The following FRMD4A variants were observed in gnomAD, a reference collection of about 807,000 sequenced individuals.
The protein encoded by FRMD4A is FERM domain containing 4A.
In FRMD4A, 29 loss-of-function variants were observed where a neutral mutation model predicts 129.1. The observed-to-expected ratio is 0.22, with a 90% CI of 0.17 to 0.31. FRMD4A has a LOEUF of 0.31. FRMD4A is among the 10% of genes least tolerant of loss of function. The pLI is 1.00. For missense variants in FRMD4A, 1,272 were observed against 1,375.8 expected (o/e 0.92, Z 1.19); for synonymous variants, 634 against 571.6 (o/e 1.11, Z -1.56).
chr10:13,835,766 A>G (rs1425975925), intron 3 of FRMD4A, among the ~76,000 whole-genome samples: 1 of 152,172 alleles, frequency 6.6e-6, no homozygotes, highest in East Asian at 1.9e-4. Flanking sequence ...TTATTTCATT[A>G]GATACTACAA....
chr10:13,666,911 C>CTTTTTT (rs10546068), intron 17 of FRMD4A, among the ~76,000 whole-genome samples: 42 of 114,366 alleles, frequency 3.7e-4, no homozygotes, highest in Middle Eastern at 5.6e-3. Context: ...CTTTTCTTTT[C>CTTTTTT]TTTTTTTTTT....
At chr10:13,738,351 C>T (rs72769538) in intron 11 of FRMD4A, among the ~76,000 whole-genome samples, 4,001 of 152,272 alleles carry the variant, frequency 0.026, 74 homozygotes, top group Non-Finnish European at 0.035. Flanking sequence ...GAGAAACTGT[C>T]ATCGATGGTC....
intron 2 of FRMD4A, among the ~76,000 whole-genome samples, chr10:14,081,304 G>C (rs1835913528): frequency 6.6e-6 from 1 of 152,158 alleles, no homozygotes; most frequent in Non-Finnish European, 1.5e-5. Flanking sequence ...ACATTAGACA[G>C]CTGCATTAAA....
chr10:14,075,732 T>A (rs935140235), intron 2 of FRMD4A, among the ~76,000 whole-genome samples: 1 of 111,124 alleles, frequency 9.0e-6, no homozygotes, highest in South Asian at 3.5e-4. Flanking sequence ...ATACATATAG[T>A]GTGTGTGTAT....
intron 2 of FRMD4A, among the ~76,000 whole-genome samples, chr10:14,090,650 G>A (rs1259679188): frequency 1.3e-5 from 2 of 152,190 alleles, no homozygotes; most frequent in African/African-American, 2.4e-5. Flanking sequence ...ACAGCAATGA[G>A]GCCTGGGTAC....
At chr10:13,915,718 G>A (rs1235523899) in intron 2 of FRMD4A, among the ~76,000 whole-genome samples, 3 of 151,990 alleles carry the variant, frequency 2.0e-5, no homozygotes, top group South Asian at 2.1e-4. Context: ...TGCACAAAGG[G>A]CTTTGTGCCA....
chr10:13,851,768 C>T (rs980778333), intron 3 of FRMD4A, among the ~76,000 whole-genome samples: 14 of 151,854 alleles, frequency 9.2e-5, no homozygotes, highest in East Asian at 3.9e-4. Context: ...GGTGTGGTGG[C>T]GCCTGCCTGT....
intron 2 of FRMD4A, among the ~76,000 whole-genome samples, chr10:13,979,586 G>T (rs896182157): frequency 6.6e-6 from 1 of 152,170 alleles, no homozygotes. Flanking sequence ...AGAACACTTT[G>T]TTTTAACCTA....
chr10:13,674,822 AT>A, intron 16 of FRMD4A, 88 bp downstream of exon 16: 1 of 1,383,046 alleles, frequency 7.2e-7, no homozygotes, highest in African/African-American at 1.4e-5. Flanking sequence ...CATCAGTCAA[AT>A]GACATCAAAA....
At chr10:13,839,269 G>A (rs1033570655) in intron 3 of FRMD4A, among the ~76,000 whole-genome samples, 6 of 152,104 alleles carry the variant, frequency 3.9e-5, no homozygotes, top group African/African-American at 1.4e-4. Context: ...GCCTCTCAAA[G>A]TTCTAGAATT....
Position 14,210,711 on chromosome 10 carries a change from G to A in FRMD4A, c.45+119347C>T, listed in dbSNP as rs144876766. Among the ~76,000 whole-genome samples, 233 of 152,106 alleles carry A rather than the reference G, an allele frequency of 1.5e-3. 1 individual carries two copies. The highest frequency in any genetic ancestry group is 5.3e-3 in the African/African-American group (218 of 41,504). ...ATGTGGGCCTTGACTGTGGATTTCCGTCTTTGTTTGTTGTTTGTTTCTTTG... is the reference window on the plus strand; with the variant it reads ...ATGTGGGCCTTGACTGTGGATTTCCATCTTTGTTTGTTGTTTGTTTCTTTG... On this transcript the variant is annotated intron_variant, in intron 2 of 24. Coordinates refer to ENST00000357447, the MANE Select transcript of FRMD4A (RefSeq NM_018027.5).
rs150176775 is a variant in FRMD4A at position 13,945,511 on chromosome 10, T to C, written c.46-86599A>G. Among the ~76,000 whole-genome samples the C allele has an allele frequency of 1.3e-3, 197 of 152,304 alleles. 1 individual carries two copies. The highest frequency in any genetic ancestry group is 4.3e-3 in the African/African-American group (178 of 41,560). ...GATTTTTTTCCTTGCAGTTTTTTTT[T>C]CCATTTTAATGGAACACAGTTCAAG... On this transcript the variant is annotated intron_variant, in intron 2 of 24. Coordinates refer to ENST00000357447, the MANE Select transcript of FRMD4A (RefSeq NM_018027.5).
rs370954575 is a variant in FRMD4A at position 13,798,176 on chromosome 10, G to A, written c.207-1588C>T. Among the ~76,000 whole-genome samples the A allele has an allele frequency of 2.9e-4, 44 of 151,744 alleles. 1 individual carries two copies. The highest frequency in any genetic ancestry group is 9.4e-4 in the African/African-American group (39 of 41,364). On this transcript the variant is annotated intron_variant, in intron 4 of 24. Transcript: ENST00000357447. The stretch of plus-strand genomic sequence containing the variant: ...CTGTAATCCCAGCACTTTGGGAGGC[G>A]AAGGCGAGCGGATCACTTGAGGTCT...
intron 2 of FRMD4A, among the ~76,000 whole-genome samples, chr10:14,163,384 T>C (rs1194244912): frequency 1.3e-5 from 2 of 152,232 alleles, no homozygotes; most frequent in Admixed American, 6.5e-5. Context: ...AGAGTTAATT[T>C]ACCCAATCGC....
At chr10:14,024,650 TG>T (rs1832908201) in intron 2 of FRMD4A, among the ~76,000 whole-genome samples, 1 of 152,042 alleles carries the variant, frequency 6.6e-6, no homozygotes, top group Non-Finnish European at 1.5e-5. Flanking sequence ...CTAATAATGG[TG>T]CTATGGGATC....
At chr10:14,239,819 G>C (rs1440298729) in intron 2 of FRMD4A, among the ~76,000 whole-genome samples, 1 of 152,190 alleles carries the variant, frequency 6.6e-6, no homozygotes. Context: ...TTCTGAGTGA[G>C]TGTTTGCTCA....
intron 6 of FRMD4A, among the ~76,000 whole-genome samples, chr10:13,767,299 T>C (rs1302181908): frequency 6.6e-6 from 1 of 152,012 alleles, no homozygotes; most frequent in Non-Finnish European, 1.5e-5. Flanking sequence ...AATGCAGTGG[T>C]GCAACCTGGG....
At chr10:14,003,882 G>A (rs952471111) in intron 2 of FRMD4A, among the ~76,000 whole-genome samples, 1 of 152,158 alleles carries the variant, frequency 6.6e-6, no homozygotes, top group African/African-American at 2.4e-5. Flanking sequence ...CAAGGCAAAC[G>A]CCCAGGAAAA....
chr10:13,989,790 G>A (rs933563420), intron 2 of FRMD4A, among the ~76,000 whole-genome samples: 2 of 152,210 alleles, frequency 1.3e-5, no homozygotes, highest in African/African-American at 4.8e-5. Flanking sequence ...AGAGTTGCCA[G>A]ATAAAATACA....
Sources: gnomAD v4.1 joint callset for allele counts (sites outside exome capture counted in the v4.1 genomes callset) on GRCh38, gnomAD v4.1.1 for gene constraint, MANE v1.5 for transcripts, NCBI Gene and HGNC (gene_info 2026-07-23, HGNC 2026-07-21) for gene names.